The following MSH3 variants were observed in gnomAD, a reference collection of about 807,000 sequenced individuals.
MSH3 encodes mutS homolog 3, also known as DNA mismatch repair protein Msh3.
A neutral mutation model predicts 123.3 loss-of-function variants in MSH3; 106 were observed. That is an observed-to-expected ratio of 0.86 (90% CI 0.73 to 1.01). The LOEUF (loss-of-function observed/expected upper bound fraction) is 1.01. MSH3 is among the 50% of genes least tolerant of loss of function. The pLI is 0.00. For missense variants in MSH3, 1,459 were observed against 1,347.6 expected (o/e 1.08, Z -1.29); for synonymous variants, 515 against 481.4 (o/e 1.07, Z -0.91).
At chr5:80,844,994 G>A (rs1479085282) in intron 20 of MSH3, among the ~76,000 whole-genome samples, 10 of 152,108 alleles carry the variant, frequency 6.6e-5, no homozygotes, top group South Asian at 4.1e-4. Context: ...TCTTCATAGC[G>A]TCAATGGTCT....
intron 20 of MSH3, among the ~76,000 whole-genome samples, chr5:80,818,739 A>T (rs1002370526): frequency 2.0e-5 from 3 of 152,256 alleles, no homozygotes. Context: ...ATACATCACA[A>T]TAATCAAGGA....
intron 17 of MSH3, among the ~76,000 whole-genome samples, 153 bp from the exon 18 acceptor site, chr5:80,787,408 CTGTT>C (rs1744528057): frequency 6.6e-6 from 1 of 152,120 alleles, no homozygotes; most frequent in Non-Finnish European, 1.5e-5. Context: ...AAAAGTAAAG[CTGTT>C]TGGTGTAATC....
chr5:80,716,915 A>C lies in MSH3; in HGVS notation c.1341-8538A>C, dbSNP rs142896895. On this transcript the variant is annotated intron_variant, in intron 8 of 23. Transcript: ENST00000265081. Reference sequence around the variant, plus strand: ...TGGTAACCATTATTCTACCTCTATGAGATCAACTTTTTTAGCTCCCACATT... The same window carrying C: ...TGGTAACCATTATTCTACCTCTATGCGATCAACTTTTTTAGCTCCCACATT... 3.1e-3 allele frequency among the ~76,000 whole-genome samples: 472 copies of C among 152,224 alleles called. 1 individual carries two copies. Among genetic ancestry groups the C allele is most frequent in the African/African-American group, 0.011 (450 of 41,532 alleles).
intron 20 of MSH3, among the ~76,000 whole-genome samples, chr5:80,827,039 T>G (rs1053374493): frequency 5.3e-5 from 8 of 152,360 alleles, no homozygotes; most frequent in Non-Finnish European, 1.0e-4. Context: ...ATTAACATCC[T>G]TGAATGCATC....
intron 18 of MSH3, among the ~76,000 whole-genome samples, chr5:80,787,995 G>T: frequency 6.6e-6 from 1 of 152,170 alleles, no homozygotes; most frequent in South Asian, 2.1e-4. Flanking sequence ...AGACTGAGAA[G>T]ATAGGGACTG....
At chr5:80,718,794 A>G (rs1432941102) in intron 8 of MSH3, among the ~76,000 whole-genome samples, 3 of 152,234 alleles carry the variant, frequency 2.0e-5, no homozygotes, top group Admixed American at 1.3e-4. Context: ...AAGTATCATT[A>G]TGAACCCAAG....
chr5:80,812,257 C>T (rs958595399), intron 19 of MSH3, among the ~76,000 whole-genome samples: 2 of 152,168 alleles, frequency 1.3e-5, no homozygotes. Context: ...CCATTAGTAA[C>T]ATGTTATAAG....
chr5:80,826,326 T>C (rs1745298950), intron 20 of MSH3, among the ~76,000 whole-genome samples: 1 of 152,218 alleles, frequency 6.6e-6, no homozygotes, highest in Non-Finnish European at 1.5e-5. Flanking sequence ...CTTTTTGTAC[T>C]CAATGGAAAA....
chr5:80,864,499 GT>G (rs771948877), intron 21 of MSH3, among the ~76,000 whole-genome samples: 9 of 152,080 alleles, frequency 5.9e-5, no homozygotes, highest in Non-Finnish European at 1.2e-4. Context: ...TTGTATTCTA[GT>G]TATATAGGAG....
chr5:80,784,212 C>CAAAAAAAAAAAAAAAAA lies in MSH3; in HGVS notation c.2436-3342_2436-3326dup, dbSNP rs1192783960. Among the ~76,000 whole-genome samples the CAAAAAAAAAAAAAAAAA allele has an allele frequency of 9.2e-4, 11 of 11,976 alleles. 2 individuals carry two copies. The highest frequency in any genetic ancestry group is 4.7e-3 in the South Asian group (1 of 214). 7.9% of individuals were successfully genotyped at this position (11,976 alleles called of 152,430 possible). A position where few individuals can be genotyped will look rare whatever the true frequency, so the allele number is the denominator to read the frequency against. ...GCGAAAGAGCGAGACTACTACGTCG[C>CAAAAAAAAAAAAAAAAA]AAAAAAAAAAAAAAAAAAAAAAAAA... On this transcript the variant is annotated intron_variant, in intron 17 of 23. Coordinates refer to ENST00000265081, the MANE Select transcript of MSH3 (RefSeq NM_002439.5).
At chr5:80,686,171 G>A (rs1279529503) in intron 8 of MSH3, among the ~76,000 whole-genome samples, 2 of 152,270 alleles carry the variant, frequency 1.3e-5, no homozygotes, top group Non-Finnish European at 2.9e-5. Context: ...TGAATGAAAT[G>A]TTCTCTAAAT....
chr5:80,821,053 T>A (rs1175253926), intron 20 of MSH3, among the ~76,000 whole-genome samples: 8 of 152,184 alleles, frequency 5.3e-5, no homozygotes, highest in Non-Finnish European at 1.0e-4. Flanking sequence ...TACTTATATT[T>A]CAGGGTGTTG....
chr5:80,766,763 TA>T (rs1215123683), intron 13 of MSH3, among the ~76,000 whole-genome samples: 4 of 148,616 alleles, frequency 2.7e-5, no homozygotes, highest in Non-Finnish European at 3.0e-5. Flanking sequence ...ATGTTCATGT[TA>T]AAAAAAAAAC....
rs752795642 is a variant in MSH3 at position 80,656,414 on chromosome 5, AC to A, written c.242del (p.Thr81LysfsTer21). On this transcript the variant is annotated frameshift_variant, in exon 2 of 24. Coordinates refer to ENST00000265081, the MANE Select transcript of MSH3 (RefSeq NM_002439.5). LOFTEE classifies it high-confidence loss of function. ...FPPQLPPHIA[T>X]EIDRRKKRPL... is the part of the protein sequence containing the mutation. ...TTTTCTAACCTTCCCGATATAGGCT[AC>A]AGAAATTGACAGAAGAAAGAAGAGA... The A allele has an allele frequency of 1.2e-6, 2 of 1,614,112 alleles. No homozygotes were observed. Among genetic ancestry groups the A allele is most frequent in the Non-Finnish European group, 1.7e-6 (2 of 1,179,988 alleles).
chr5:80,764,984 T>C (rs888456220), intron 13 of MSH3, among the ~76,000 whole-genome samples: 6 of 152,138 alleles, frequency 3.9e-5, no homozygotes, highest in African/African-American at 1.4e-4. Context: ...GGGTCTGTGC[T>C]CAAGCTCTCC....
intron 8 of MSH3, among the ~76,000 whole-genome samples, chr5:80,686,534 A>G (rs957643196): frequency 6.6e-6 from 1 of 151,642 alleles, no homozygotes; most frequent in Non-Finnish European, 1.5e-5. Context: ...CTGGTCTCGA[A>G]CTCCTGACCT....
At chr5:80,718,572 A>G (rs540605549) in intron 8 of MSH3, among the ~76,000 whole-genome samples, 2 of 147,430 alleles carry the variant, frequency 1.4e-5, no homozygotes, top group Non-Finnish European at 3.0e-5. Flanking sequence ...TGCTGATTAC[A>G]TATCCATAGA....
At chr5:80,760,038 A>T (rs1272205958) in intron 12 of MSH3, among the ~76,000 whole-genome samples, 1 of 152,192 alleles carries the variant, frequency 6.6e-6, no homozygotes, top group Admixed American at 6.5e-5. Context: ...GCACTCACTA[A>T]ATCGAAAGTC....
At chr5:80,711,719 A>G (rs975852162) in intron 8 of MSH3, among the ~76,000 whole-genome samples, 2 of 151,706 alleles carry the variant, frequency 1.3e-5, no homozygotes, top group East Asian at 3.9e-4. Flanking sequence ...CAATGGTGTC[A>G]TCTCGGCTCA....
Sources: allele counts gnomAD v4.1 joint callset (sites outside exome capture counted in the v4.1 genomes callset), GRCh38; gene constraint gnomAD v4.1.1; transcripts MANE v1.5; gene names NCBI Gene and HGNC (gene_info 2026-07-23, HGNC 2026-07-21).